The following SHQ1 variants were observed in gnomAD, a reference collection of about 807,000 sequenced individuals.
The protein encoded by SHQ1 is SHQ1, H/ACA ribonucleoprotein assembly factor, also known as protein SHQ1 homolog.
Under a neutral mutation model 53.8 loss-of-function variants are expected in SHQ1, and 49 were observed. The observed-to-expected ratio is 0.91, with a 90% CI of 0.72 to 1.16. SHQ1 has a LOEUF of 1.16. Ranked by LOEUF, SHQ1 falls within the 50% of genes most tolerant of loss-of-function variation. SHQ1 has a pLI of 0.00. For synonymous variants in SHQ1, 243 were observed against 251.0 expected (o/e 0.97, Z 0.30); for missense variants, 738 against 683.1 (o/e 1.08, Z -0.90).
At chr3:72,806,312 T>C (rs1706941834) in intron 9 of SHQ1, among the ~76,000 whole-genome samples, 2 of 152,246 alleles carry the variant, frequency 1.3e-5, no homozygotes, top group Admixed American at 6.5e-5. Context: ...CTTCGATAAG[T>C]TGGTATGTAA....
chr3:72,753,191 T>C, intron 10 of SHQ1: 5 of 985,440 alleles, frequency 5.1e-6, no homozygotes, highest in Non-Finnish European at 6.0e-6. Flanking sequence ...CATGCTGACA[T>C]GGTTTCTATG....
chr3:72,759,552 G>A (rs1705569660), intron 10 of SHQ1, among the ~76,000 whole-genome samples: 1 of 152,092 alleles, frequency 6.6e-6, no homozygotes, highest in Non-Finnish European at 1.5e-5. Context: ...TTAGCCGGGT[G>A]TGGTAGCAGG....
At chr3:72,776,293 G>A in intron 10 of SHQ1, among the ~76,000 whole-genome samples, 1 of 152,180 alleles carries the variant, frequency 6.6e-6, no homozygotes, top group East Asian at 1.9e-4. Context: ...ATAATACTCT[G>A]ATTTTACTGT....
intron 10 of SHQ1, among the ~76,000 whole-genome samples, chr3:72,767,749 A>G (rs1040581280): frequency 3.9e-5 from 6 of 152,212 alleles, no homozygotes; most frequent in African/African-American, 1.4e-4. Flanking sequence ...AGAATGAAAA[A>G]GGGTCTCTGA....
At position 72,842,336 on chromosome 3, in the gene SHQ1, G is replaced by C. The variant is rs1708200496; in HGVS notation, c.275C>G (p.Thr92Ser). 2 of 1,613,854 alleles carry C rather than the reference G, an allele frequency of 1.2e-6. No homozygotes were observed. The highest frequency in any genetic ancestry group is 1.3e-5 in the African/African-American group (1 of 74,928). ...GGATTTTCTTGGTGCCAGAAGAGCAGTTAACATGTTCAGCCCCTCAAAATG... is the reference window on the plus strand; with the variant it reads ...GGATTTTCTTGGTGCCAGAAGAGCACTTAACATGTTCAGCCCCTCAAAATG... Reference protein sequence around the residue: ...GQHFEGLNMLTALLAPRKSRT... With the variant: ...GQHFEGLNMLSALLAPRKSRT... The change falls in exon 3 of 11, where the codon ACT becomes AGT. Residue 92 changes from threonine to serine, a missense_variant. By Grantham distance (58) the Thr-to-Ser change is moderately conservative. Transcript: ENST00000325599.
intron 5 of SHQ1, among the ~76,000 whole-genome samples, chr3:72,829,474 T>A (rs1434225941): frequency 6.6e-6 from 1 of 152,252 alleles, no homozygotes; most frequent in Non-Finnish European, 1.5e-5. Flanking sequence ...GCTTAGCATG[T>A]ACTTCATTCA....
intron 1 of SHQ1, 142 bp downstream of exon 1, chr3:72,848,056 T>C: frequency 9.9e-7 from 1 of 1,013,174 alleles, no homozygotes; most frequent in Non-Finnish European, 1.5e-6. Flanking sequence ...AGAGGGCAGT[T>C]CCCTGGCACC....
chr3:72,819,275 T>C (rs1234330484), intron 6 of SHQ1, among the ~76,000 whole-genome samples: 1 of 152,188 alleles, frequency 6.6e-6, no homozygotes, highest in Admixed American at 6.5e-5. Flanking sequence ...TTCGAATGTG[T>C]TTTGTCCAGT....
chr3:72,810,292 T>A (rs1707078415), intron 9 of SHQ1, among the ~76,000 whole-genome samples: 1 of 152,044 alleles, frequency 6.6e-6, no homozygotes, highest in African/African-American at 2.4e-5. Flanking sequence ...GAGATAAACA[T>A]ACAGTCTTCT....
chr3:72,782,406 A>T (rs1706096738), intron 10 of SHQ1, among the ~76,000 whole-genome samples: 1 of 152,248 alleles, frequency 6.6e-6, no homozygotes, highest in Non-Finnish European at 1.5e-5. Context: ...TAAATCACTT[A>T]AAATCCAGAA....
At chr3:72,773,020 C>G in intron 10 of SHQ1, 3 of 1,104,670 alleles carry the variant, frequency 2.7e-6, no homozygotes, top group Non-Finnish European at 4.1e-6. Flanking sequence ...AGAACATCAT[C>G]TGTACTCTAA....
the SHQ1 span, among the ~76,000 whole-genome samples, chr3:72,742,038 C>G: frequency 6.6e-6 from 1 of 151,818 alleles, no homozygotes; most frequent in Non-Finnish European, 1.5e-5. Context: ...CCCACAGATA[C>G]CGAGGGACGA....
At chr3:72,753,707 C>A (rs1464643515) in intron 10 of SHQ1, 2 of 866,550 alleles carry the variant, frequency 2.3e-6, no homozygotes, top group African/African-American at 3.6e-5. Flanking sequence ...CCACTAGAGT[C>A]AGTTAATGAT....
chr3:72,742,259 A>G, the SHQ1 span, among the ~76,000 whole-genome samples: 2 of 152,098 alleles, frequency 1.3e-5, no homozygotes, highest in Non-Finnish European at 2.9e-5. Context: ...TGCTGCTATA[A>G]CACAACAGAG....
At chr3:72,741,214 C>G in the SHQ1 span, among the ~76,000 whole-genome samples, 1 of 152,196 alleles carries the variant, frequency 6.6e-6, no homozygotes, top group Non-Finnish European at 1.5e-5. Flanking sequence ...CAAGCTCAAT[C>G]CAGTCAGCTA....
chr3:72,799,596 A>AT (rs1004309375), intron 9 of SHQ1, among the ~76,000 whole-genome samples: 10 of 152,126 alleles, frequency 6.6e-5, no homozygotes, highest in Admixed American at 2.0e-4. Context: ...GGTCTATGTG[A>AT]TTTTTTTATC....
chr3:72,727,993 CACCA>C, the SHQ1 span, among the ~76,000 whole-genome samples: 1 of 152,192 alleles, frequency 6.6e-6, no homozygotes, highest in Non-Finnish European at 1.5e-5. Context: ...AAGCAGCCAT[CACCA>C]AAGATGGGGC....
intron 9 of SHQ1, among the ~76,000 whole-genome samples, chr3:72,795,879 C>T (rs1356009003): frequency 2.0e-5 from 3 of 151,820 alleles, no homozygotes; most frequent in African/African-American, 7.3e-5. Context: ...CCAAGGCAGG[C>T]GGATTACGAG....
chr3:72,792,807 AAAAAC>A, intron 10 of SHQ1, 104 bp downstream of exon 10: 6 of 809,744 alleles, frequency 7.4e-6, no homozygotes, highest in African/African-American at 3.8e-5. Flanking sequence ...AAAAAAAAAA[AAAAAC>A]ACAACTTACT....
Sources: gnomAD v4.1 joint callset for allele counts (sites outside exome capture counted in the v4.1 genomes callset) on GRCh38, gnomAD v4.1.1 for gene constraint, MANE v1.5 for transcripts, NCBI Gene and HGNC (gene_info 2026-07-23, HGNC 2026-07-21) for gene names.